SGIP1: variants seen among roughly 807,000 people sequenced by gnomAD.
The protein encoded by SGIP1 is SH3-containing GRB2-like protein 3-interacting protein 1.
Under a neutral mutation model 107.5 loss-of-function variants are expected in SGIP1, and 38 were observed. The ratio of observed to expected loss-of-function variants is 0.35; its 90% CI spans 0.27 to 0.46. The LOEUF is 0.46. SGIP1 is among the 20% of genes least tolerant of loss of function. The pLI, the probability that SGIP1 is intolerant of heterozygous loss-of-function variation, is 1.00. For synonymous variants in SGIP1, 365 were observed against 366.1 expected, an observed-to-expected ratio of 1.00 and a Z score of 0.03; for missense variants, 929 against 1,019.5, an observed-to-expected ratio of 0.91 and a Z score of 1.21.
intron 2 of SGIP1, among the ~76,000 whole-genome samples, chr1:66,628,740 A>C (rs1196103454): frequency 6.6e-6 from 1 of 152,202 alleles, no homozygotes; most frequent in Non-Finnish European, 1.5e-5. Flanking sequence ...ATCATTTCTA[A>C]AGTTATTAAA....
intron 9 of SGIP1, among the ~76,000 whole-genome samples, chr1:66,669,196 A>G (rs1208119380): frequency 6.6e-6 from 1 of 152,258 alleles, no homozygotes; most frequent in Non-Finnish European, 1.5e-5. Flanking sequence ...ATTCATGAAG[A>G]CTATTTAATA....
At chr1:66,586,461 T>C (rs762604246) in intron 1 of SGIP1, among the ~76,000 whole-genome samples, 3 of 152,132 alleles carry the variant, frequency 2.0e-5, no homozygotes, top group Non-Finnish European at 2.9e-5. Flanking sequence ...TTATATAATG[T>C]TTTTAAGTGT....
intron 18 of SGIP1, among the ~76,000 whole-genome samples, chr1:66,702,238 G>A (rs1229116059): frequency 1.3e-5 from 2 of 152,132 alleles, no homozygotes; most frequent in African/African-American, 4.8e-5. Flanking sequence ...GCTAGTTGGT[G>A]GTTAAATCAG....
In SGIP1 at chr1:66,746,702, C is replaced by T. The variant is rs533252964; in HGVS notation, c.*3607C>T. 9.2e-5 allele frequency: 14 copies of T among 152,146 alleles called. No individual in the cohort carries two copies. The highest frequency in any genetic ancestry group is 2.9e-4 in the African/African-American group (12 of 41,534). The allele number at this position is 152,146 out of a possible 1,614,324, so 9.4% of individuals were successfully genotyped here. A position where few individuals can be genotyped will look rare whatever the true frequency, so the allele number is the denominator to read the frequency against. ...ATAGAATAATCTCCCCAAAATGACACGGCAGCTGAAAGTAACCCAGCTATT... is the reference window on the plus strand; with the variant it reads ...ATAGAATAATCTCCCCAAAATGACATGGCAGCTGAAAGTAACCCAGCTATT... On this transcript the variant is annotated 3_prime_UTR_variant, in exon 25 of 25. Transcript: ENST00000371037.
intron 2 of SGIP1, among the ~76,000 whole-genome samples, chr1:66,630,438 A>T (rs921564799): frequency 5.9e-5 from 9 of 152,134 alleles, no homozygotes; most frequent in African/African-American, 2.2e-4. Context: ...CCATTAGCAG[A>T]GGTTGAAGTC....
At chr1:66,647,404 G>A (rs1480696241) in intron 7 of SGIP1, among the ~76,000 whole-genome samples, 6 of 152,194 alleles carry the variant, frequency 3.9e-5, no homozygotes, top group Non-Finnish European at 8.8e-5. Flanking sequence ...CACTGCAAGG[G>A]AGTCTGGAAA....
At chr1:66,711,163 C>T (rs609219) in intron 18 of SGIP1, among the ~76,000 whole-genome samples, 121,215 of 152,114 alleles carry the variant, frequency 0.8, 48,628 homozygotes, top group East Asian at 1. Flanking sequence ...TAATCAAACC[C>T]TTCTATCATT....
intron 4 of SGIP1, among the ~76,000 whole-genome samples, chr1:66,638,298 A>G (rs976849099): frequency 1.3e-5 from 2 of 152,160 alleles, no homozygotes; most frequent in African/African-American, 4.8e-5. Flanking sequence ...TATGTAATGG[A>G]CCAGTTCTCA....
In SGIP1 at chr1:66,582,343, T is replaced by G. The variant is rs190002060; in HGVS notation, c.11-43504T>G. On this transcript the variant is annotated intron_variant, in intron 1 of 24. Transcript: ENST00000371037. ...CAGAGGAAGTGGCCAGATGAACTGG[T>G]GAATGAAGGTAGAAGAACCTTACTG... 2.6e-5 allele frequency among the ~76,000 whole-genome samples: 4 copies of G among 152,148 alleles called. No individual in the cohort carries two copies. The East Asian group carries it at 7.7e-4, about 29-fold the overall frequency.
intron 20 of SGIP1, among the ~76,000 whole-genome samples, chr1:66,731,510 C>A (rs2094007158): frequency 6.6e-6 from 1 of 151,752 alleles, no homozygotes; most frequent in South Asian, 2.1e-4. Context: ...ATTATATAGA[C>A]CCTTAAATTA....
In SGIP1 at chr1:66,625,828, C is replaced by T; in HGVS notation, c.11-19C>T. 1.2e-6 allele frequency: 2 copies of T among 1,610,312 alleles called. No homozygotes were observed. The highest frequency in any genetic ancestry group is 1.7e-6 in the Non-Finnish European group (2 of 1,177,654). ...AATGTTGCTGAGAGAGTTTTTGACC[C>T]TTTGCTGTTTTCCCACAGGATTGAA... On this transcript the variant is annotated intron_variant, in intron 1 of 24. Transcript: ENST00000371037.
At chr1:66,725,748 C>T (rs1439088266) in intron 19 of SGIP1, among the ~76,000 whole-genome samples, 2 of 152,308 alleles carry the variant, frequency 1.3e-5, no homozygotes, top group East Asian at 3.9e-4. Context: ...CTCCAGCTTA[C>T]CTGCTTGAGA....
rs57100490 is a variant in SGIP1, at chr1:66,665,241, C to T, written c.472-2289C>T. On this transcript the variant is annotated intron_variant, in intron 8 of 24. Transcript: ENST00000371037. ...TCTGGTGTTTGGTTTTCTGTCCTTGCGATAGTTTGCTCAGAATGATGGTTT... is the reference window on the plus strand; with the variant it reads ...TCTGGTGTTTGGTTTTCTGTCCTTGTGATAGTTTGCTCAGAATGATGGTTT... Among the ~76,000 whole-genome samples the T allele has an allele frequency of 1.6e-4, 25 of 152,152 alleles. No homozygotes were observed. The East Asian group carries it at 1.9e-3, about 12-fold the overall frequency.
chr1:66,717,028 A>G lies in SGIP1; in HGVS notation c.1631-2266A>G, dbSNP rs534798779. Among the ~76,000 whole-genome samples the G allele has an allele frequency of 2.6e-5, 4 of 152,210 alleles. No homozygotes were observed. The East Asian group carries it at 7.7e-4, about 29-fold the overall frequency. On this transcript the variant is annotated intron_variant, in intron 18 of 24. Transcript: ENST00000371037. ...TTAGTAAGATTATCTTCATCCTCAG[A>G]CCTCAGCTCCAATATCTTCTTAATG...
intron 7 of SGIP1, chr1:66,643,989 A>C (rs1028673086): frequency 4.6e-6 from 1 of 216,952 alleles, no homozygotes; most frequent in African/African-American, 2.3e-5. Flanking sequence ...TAAAAAGAAA[A>C]AAAAATAAAA....
chr1:66,609,323 C>T lies in SGIP1; in HGVS notation c.11-16524C>T, dbSNP rs193182643. Among the ~76,000 whole-genome samples the T allele has an allele frequency of 1.2e-4, 18 of 152,178 alleles. No homozygotes were observed. In the East Asian group the frequency reaches 3.3e-3, roughly 28 times the overall value. On this transcript the variant is annotated intron_variant, in intron 1 of 24. Coordinates refer to ENST00000371037, the MANE Select transcript of SGIP1 (RefSeq NM_032291.4). ...TCCAACTTCCGGCAGGTATAGTGGG[C>T]CATTTCTGAGCCAGCTTGGGAAGGG...
At chr1:66,637,874 AATATATAT>A (rs1256436633) in intron 4 of SGIP1, among the ~76,000 whole-genome samples, 1 of 148,774 alleles carries the variant, frequency 6.7e-6, no homozygotes, top group Non-Finnish European at 1.5e-5. Context: ...CATACACACA[AATATATAT>A]ATATATAAAC....
chr1:66,695,409 C>G, intron 17 of SGIP1, 25 bp from the exon 18 acceptor site: 1 of 1,614,118 alleles, frequency 6.2e-7, no homozygotes, highest in South Asian at 1.1e-5. Context: ...CCCTTCCCAT[C>G]CCGCTTCAAC....
At chr1:66,674,943 G>A (rs1465025791) in intron 12 of SGIP1, among the ~76,000 whole-genome samples, 1 of 152,180 alleles carries the variant, frequency 6.6e-6, no homozygotes, top group Non-Finnish European at 1.5e-5. Context: ...TATTTTCAAT[G>A]ATTTTGTTAG....
Sources: gnomAD v4.1 joint callset for allele counts (sites outside exome capture counted in the v4.1 genomes callset) on GRCh38, gnomAD v4.1.1 for gene constraint, MANE v1.5 for transcripts, NCBI Gene and HGNC (gene_info 2026-07-23, HGNC 2026-07-21) for gene names.